Variants in QTGAL observed in about 807,000 individuals in gnomAD.
QTGAL encodes queuosine-tRNA galactosyltransferase.
At chr17:83,003,084 G>A in the QTGAL span, among the ~76,000 whole-genome samples, 2 of 23,062 alleles carry the variant, frequency 8.7e-5, no homozygotes, top group African/African-American at 4.6e-4. Context: ...TCCGCAGTCC[G>A]CGTGTGGGAT....
the QTGAL span, among the ~76,000 whole-genome samples, chr17:82,976,264 G>A: frequency 7.6e-4 from 74 of 97,108 alleles, 14 homozygotes; most frequent in African/African-American, 4.3e-3. Context: ...CCACTTATGG[G>A]GAAACAGGGC....
the QTGAL span, among the ~76,000 whole-genome samples, chr17:83,033,939 G>A: frequency 1.3e-5 from 2 of 151,760 alleles, no homozygotes; most frequent in African/African-American, 2.4e-5. Context: ...TTTTCTTAGT[G>A]TTTTGTTTGT....
chr17:82,980,179 CAT>C, the QTGAL span, among the ~76,000 whole-genome samples: 7 of 152,128 alleles, frequency 4.6e-5, no homozygotes, highest in Non-Finnish European at 8.8e-5. Flanking sequence ...ACACTCAAAG[CAT>C]ATTAAAAAAA....
At chr17:83,005,874 C>G in the QTGAL span, 1 of 1,381,834 alleles carries the variant, frequency 7.2e-7, no homozygotes, top group Non-Finnish European at 9.4e-7. The surrounding 1 kb of genome is among the most constrained non-coding windows in gnomAD (Gnocchi z 5.6). Flanking sequence ...CCGGCCCCCT[C>G]CAGCCTGACC....
the QTGAL span, among the ~76,000 whole-genome samples, chr17:83,014,892 C>T: frequency 8.5e-5 from 13 of 152,194 alleles, no homozygotes; most frequent in South Asian, 8.3e-4. Context: ...AGTTATGCAG[C>T]GGAGAAGGAA....
the QTGAL span, among the ~76,000 whole-genome samples, chr17:82,979,786 T>C: frequency 6.6e-6 from 1 of 152,162 alleles, no homozygotes; most frequent in Non-Finnish European, 1.5e-5. Context: ...GAGGCAGAAA[T>C]ACTAGAATAG....
chr17:82,962,972 G>A, the QTGAL span, among the ~76,000 whole-genome samples: 139 of 152,262 alleles, frequency 9.1e-4, no homozygotes, highest in Middle Eastern at 3.4e-3. Context: ...TCCTCCCCCA[G>A]GCTTTTCCCA....
At chr17:83,018,452 C>A in the QTGAL span, among the ~76,000 whole-genome samples, 1 of 152,174 alleles carries the variant, frequency 6.6e-6, no homozygotes, top group Non-Finnish European at 1.5e-5. Flanking sequence ...ATAAAACACA[C>A]ACATACACTT....
At chr17:83,010,879 T>A in the QTGAL span, among the ~76,000 whole-genome samples, 1 of 152,180 alleles carries the variant, frequency 6.6e-6, no homozygotes, top group Non-Finnish European at 1.5e-5. Flanking sequence ...CTCCCGTCTT[T>A]GTTCCTCCGC....
chr17:82,983,605 G>A, the QTGAL span, among the ~76,000 whole-genome samples: 1 of 152,210 alleles, frequency 6.6e-6, no homozygotes. Flanking sequence ...CCGTTCAGAT[G>A]CTGGGGGAAG....
At chr17:82,990,919 G>A in the QTGAL span, among the ~76,000 whole-genome samples, 1 of 152,266 alleles carries the variant, frequency 6.6e-6, no homozygotes, top group South Asian at 2.1e-4. Context: ...GCCAGGAAGA[G>A]CCACATCAGA....
the QTGAL span, among the ~76,000 whole-genome samples, chr17:83,012,920 C>T: frequency 2.6e-5 from 4 of 152,030 alleles, no homozygotes; most frequent in Non-Finnish European, 5.9e-5. Context: ...TCCCCGGGCC[C>T]CCCGTCCCAC....
chr17:83,016,421 C>G, the QTGAL span, among the ~76,000 whole-genome samples: 1 of 151,130 alleles, frequency 6.6e-6, no homozygotes, highest in Non-Finnish European at 1.5e-5. Flanking sequence ...AGAGAGGAGG[C>G]TGGGGACAGA....
chr17:82,947,074 C>G, the QTGAL span: 28 of 1,026,480 alleles, frequency 2.7e-5, no homozygotes, highest in South Asian at 3.6e-4. Context: ...TTGGGGGTGG[C>G]CTGTGTCCAC....
chr17:83,013,250 G>A, the QTGAL span, among the ~76,000 whole-genome samples: 14 of 151,928 alleles, frequency 9.2e-5, no homozygotes, highest in African/African-American at 2.9e-4. Flanking sequence ...GGAGGCAACC[G>A]TGTGGGGCCC....
chr17:83,005,347 A>C, the QTGAL span: 1 of 763,660 alleles, frequency 1.3e-6, no homozygotes, highest in Non-Finnish European at 2.1e-6. The surrounding 1 kb of genome is among the most constrained non-coding windows in gnomAD (Gnocchi z 5.6). Context: ...AATCTGGGTC[A>C]GGCAAACACC....
chr17:83,026,001 T>C, the QTGAL span, among the ~76,000 whole-genome samples: 1 of 152,242 alleles, frequency 6.6e-6, no homozygotes, highest in Non-Finnish European at 1.5e-5. Flanking sequence ...TGAAACTTTC[T>C]GTGAGTTCTG....
chr17:82,942,635 T>C, the QTGAL span: 1 of 760,280 alleles, frequency 1.3e-6, no homozygotes, highest in Admixed American at 2.6e-5. Context: ...TGCGCTCTGG[T>C]GACTTGGGGT....
the QTGAL span, among the ~76,000 whole-genome samples, chr17:83,020,811 C>T: frequency 1.1e-4 from 17 of 152,202 alleles, no homozygotes; most frequent in Non-Finnish European, 2.4e-4. Flanking sequence ...TCTGTGAGGA[C>T]GGGGACTGGA....
Sources: allele counts gnomAD v4.1 joint callset (sites outside exome capture counted in the v4.1 genomes callset), GRCh38; gene constraint gnomAD v4.1.1; non-coding constraint Gnocchi (gnomAD v3.1); transcripts MANE v1.5; gene names NCBI Gene and HGNC (gene_info 2026-07-23, HGNC 2026-07-21).